Variants in MARCHF1 observed in about 807,000 individuals in gnomAD.
MARCHF1 encodes membrane associated ring-CH-type finger 1.
Under a neutral mutation model 54.2 loss-of-function variants are expected in MARCHF1, and 40 were observed. That is an observed-to-expected ratio of 0.74 (90% confidence interval 0.57 to 0.96). The LOEUF is 0.96. Ranked by LOEUF, MARCHF1 falls within the 40% of genes least tolerant of loss-of-function variation. The pLI is 0.00. For synonymous variants in MARCHF1, 236 were observed against 236.3 expected (o/e 1.00, Z 0.01); for missense variants, 586 against 656.5 (o/e 0.89, Z 1.17).
chr4:164,069,574 C>T (rs1443853855), intron 2 of MARCHF1, among the ~76,000 whole-genome samples: 1 of 152,132 alleles, frequency 6.6e-6, no homozygotes, highest in African/African-American at 2.4e-5. Context: ...TCTGCAGCTT[C>T]ACTCCTGGGC....
intron 1 of MARCHF1, among the ~76,000 whole-genome samples, chr4:164,350,634 CT>C (rs1471166923): frequency 4.6e-5 from 7 of 152,128 alleles, no homozygotes; most frequent in Admixed American, 3.9e-4. Flanking sequence ...ACAATTATTT[CT>C]TGTCAACTAA....
chr4:164,312,580 C>T (rs1259523048), intron 1 of MARCHF1, among the ~76,000 whole-genome samples: 8 of 151,840 alleles, frequency 5.3e-5, no homozygotes. Flanking sequence ...CCTCAGCCTC[C>T]GAAAGTGCTG....
chr4:163,687,866 C>T (rs78512186), intron 5 of MARCHF1, among the ~76,000 whole-genome samples: 4,578 of 152,174 alleles, frequency 0.03, 81 homozygotes, highest in East Asian at 0.078. Context: ...GTAGCTTTGG[C>T]TGTAAATTTT....
chr4:164,153,054 A>T (rs2110914364), intron 1 of MARCHF1, among the ~76,000 whole-genome samples: 1 of 152,300 alleles, frequency 6.6e-6, no homozygotes, highest in South Asian at 2.1e-4. Flanking sequence ...ATGAGCCATG[A>T]TCACTCATAT....
chr4:164,066,847 A>G (rs1754740759), intron 2 of MARCHF1, among the ~76,000 whole-genome samples: 1 of 152,170 alleles, frequency 6.6e-6, no homozygotes, highest in African/African-American at 2.4e-5. Context: ...AGTGGGAAAG[A>G]ACATACACTG....
intron 5 of MARCHF1, among the ~76,000 whole-genome samples, chr4:163,629,891 A>C (rs1742012948): frequency 6.6e-6 from 1 of 152,236 alleles, no homozygotes; most frequent in Non-Finnish European, 1.5e-5. Context: ...TCATCAATGA[A>C]ATGCAAATTA....
chr4:163,921,617 A>AT (rs397715792), intron 3 of MARCHF1, among the ~76,000 whole-genome samples: 34,452 of 151,936 alleles, frequency 0.23, 4,941 homozygotes, highest in African/African-American at 0.4. Flanking sequence ...TTGGTTATAT[A>AT]TTTTTTTCTC....
Position 163,611,846 on chromosome 4 carries a change from GTTA to G in MARCHF1, c.1010+422_1010+424del, listed in dbSNP as rs555134493. Among the ~76,000 whole-genome samples the G allele has an allele frequency of 7.2e-5, 11 of 152,072 alleles. No individual in the cohort carries two copies. The South Asian group carries it at 2.3e-3, about 31-fold the overall frequency. On this transcript the variant is annotated intron_variant, in intron 7 of 9. Coordinates refer to ENST00000514618, the MANE Select transcript of MARCHF1 (RefSeq NM_001394959.1). ...CAAATTAAAGCCAACTGCAGAGAAT[GTTA>G]TTTTCTGATACAAAAATCTGACCTT...
At chr4:164,203,430 A>G (rs1219223306) in intron 1 of MARCHF1, among the ~76,000 whole-genome samples, 2 of 152,164 alleles carry the variant, frequency 1.3e-5, no homozygotes, top group Non-Finnish European at 2.9e-5. Flanking sequence ...GACTCAGCAA[A>G]GAGTTGCAGT....
chr4:163,810,425 CT>C (rs1748352168), intron 4 of MARCHF1, among the ~76,000 whole-genome samples: 2 of 152,130 alleles, frequency 1.3e-5, no homozygotes, highest in African/African-American at 4.8e-5. Context: ...ATACAAACTT[CT>C]ATCTAAAAAT....
Position 164,350,914 on chromosome 4 carries a change from C to G in MARCHF1, c.-323+32956G>C, listed in dbSNP as rs907943566. ...CAGGCGAGTGGGTGCGTGCACCGGGCGCGAGCCGAAGCAGGGCGAGGCATT... is the reference window on the plus strand; with the variant it reads ...CAGGCGAGTGGGTGCGTGCACCGGGGGCGAGCCGAAGCAGGGCGAGGCATT... On this transcript the variant is annotated intron_variant, in intron 1 of 9. Transcript: ENST00000514618. Among the ~76,000 whole-genome samples, 31 of 151,946 alleles carry G rather than the reference C, an allele frequency of 2.0e-4. 1 individual carries two copies. The highest frequency in any genetic ancestry group is 3.5e-4 in the Non-Finnish European group (24 of 67,958).
intron 2 of MARCHF1, among the ~76,000 whole-genome samples, chr4:164,079,483 TTGTAA>T (rs879847790): frequency 6.6e-6 from 1 of 152,152 alleles, no homozygotes; most frequent in African/African-American, 2.4e-5. Flanking sequence ...TTCTTTATTA[TTGTAA>T]TGTATTTATC....
At chr4:163,947,571 C>T (rs1290192780) in intron 3 of MARCHF1, among the ~76,000 whole-genome samples, 2 of 152,112 alleles carry the variant, frequency 1.3e-5, no homozygotes, top group Non-Finnish European at 2.9e-5. Context: ...TGGCCACAAG[C>T]CAAGAAATGA....
intron 1 of MARCHF1, among the ~76,000 whole-genome samples, chr4:164,204,772 A>G (rs1024841577): frequency 6.6e-6 from 1 of 152,238 alleles, no homozygotes; most frequent in Admixed American, 6.5e-5. Flanking sequence ...CCAAGTACTG[A>G]GAATTTTCTC....
chr4:163,640,987 G>A (rs996504384), intron 5 of MARCHF1, among the ~76,000 whole-genome samples: 1 of 151,862 alleles, frequency 6.6e-6, no homozygotes, highest in Admixed American at 6.6e-5. Context: ...ATTAGTCTCA[G>A]TTTTCATACT....
chr4:164,088,274 G>T (rs185178747), intron 2 of MARCHF1, among the ~76,000 whole-genome samples: 1 of 152,120 alleles, frequency 6.6e-6, no homozygotes, highest in Non-Finnish European at 1.5e-5. Flanking sequence ...GGCGTTCAAA[G>T]GTTCCCATGA....
At position 164,126,899 on chromosome 4, in the gene MARCHF1, C is replaced by CA. The variant is rs1756194607; in HGVS notation, c.-322-15238dup. On this transcript the variant is annotated intron_variant, in intron 1 of 9. Transcript: ENST00000514618. ...GGTGAAACCCCAGCTCTACAAAATA[C>CA]AAAAATTAGCCCACCATGTTGGTGG... Among the ~76,000 whole-genome samples, 3 of 152,160 alleles carry CA rather than the reference C, an allele frequency of 2.0e-5. No homozygotes were observed. The South Asian group carries it at 6.2e-4, about 32-fold the overall frequency.
chr4:163,911,111 T>C (rs1751180082), intron 3 of MARCHF1, among the ~76,000 whole-genome samples: 1 of 152,176 alleles, frequency 6.6e-6, no homozygotes, highest in South Asian at 2.1e-4. Flanking sequence ...AGGGGGTACA[T>C]ATACAGGTTT....
At chr4:163,959,128 G>A (rs1001322373) in intron 3 of MARCHF1, among the ~76,000 whole-genome samples, 3 of 151,954 alleles carry the variant, frequency 2.0e-5, no homozygotes, top group Admixed American at 1.3e-4. Flanking sequence ...GAGCAGAGAA[G>A]AGCTGTTTCT....
Sources: allele counts gnomAD v4.1 joint callset (sites outside exome capture counted in the v4.1 genomes callset), GRCh38; gene constraint gnomAD v4.1.1; transcripts MANE v1.5; gene names NCBI Gene and HGNC (gene_info 2026-07-23, HGNC 2026-07-21).